The following CTNND1 variants were observed in gnomAD, a reference collection of about 807,000 sequenced individuals.
The protein encoded by CTNND1 is catenin delta-1.
Under a neutral mutation model 112.1 loss-of-function variants are expected in CTNND1, and 16 were observed. The ratio of observed to expected loss-of-function variants is 0.14; its 90% CI spans 0.10 to 0.22. The LOEUF (loss-of-function observed/expected upper bound fraction) is 0.22. Among genes scored for constraint, CTNND1 ranks in the 10% least tolerant of loss-of-function variants. CTNND1 has a pLI of 1.00. For missense variants in CTNND1, 1,008 were observed against 1,257.0 expected (o/e 0.80, Z 3.00); for synonymous variants, 420 against 446.5 (o/e 0.94, Z 0.75).
At position 57,818,407 on chromosome 11, in the gene CTNND1, CAAATGAGTTT is replaced by C. The variant is rs2064088251; in HGVS notation, c.*2100_*2109del. 1 of 152,464 alleles carries C rather than the reference CAAATGAGTTT, an allele frequency of 6.6e-6. No homozygotes were observed. The highest frequency in any genetic ancestry group is 2.4e-5 in the African/African-American group (1 of 41,382). 9.4% of individuals were successfully genotyped at this position (152,464 alleles called of 1,614,324 possible). On this transcript the variant is annotated 3_prime_UTR_variant, in exon 21 of 21. Transcript: ENST00000399050. ...TCTGTCTTGTTAATGCTTTTAAAAACAAATGAGTTTTTTATATAAATAAAGTTTTTAAAGT... is the reference window on the plus strand; with the variant it reads ...TCTGTCTTGTTAATGCTTTTAAAAACTTTATATAAATAAAGTTTTTAAAGT...
chr11:57,806,172 C>T, intron 10 of CTNND1, 137 bp downstream of exon 10: 4 of 1,212,258 alleles, frequency 3.3e-6, no homozygotes, highest in Non-Finnish European at 4.5e-6. Flanking sequence ...TTGCTGCTTT[C>T]CCTGTGTTGT....
chr11:57,782,371 A>C (rs542897725), intron 1 of CTNND1, among the ~76,000 whole-genome samples: 1 of 152,210 alleles, frequency 6.6e-6, no homozygotes, highest in African/African-American at 2.4e-5. Context: ...CTCTTTTAAA[A>C]TAAAATCCTT....
At chr11:57,789,932 T>C (rs1214289672) in intron 2 of CTNND1, among the ~76,000 whole-genome samples, 1 of 152,222 alleles carries the variant, frequency 6.6e-6, no homozygotes, top group Non-Finnish European at 1.5e-5. Flanking sequence ...AGGTGAAGTT[T>C]CCTGAAGACA....
At chr11:57,794,832 A>G (rs1160028867) in intron 4 of CTNND1, among the ~76,000 whole-genome samples, 1 of 149,688 alleles carries the variant, frequency 6.7e-6, no homozygotes, top group Non-Finnish European at 1.5e-5. Context: ...ACGGTGTCTC[A>G]TGCCTGTAAT....
At position 57,803,664 on chromosome 11, in the gene CTNND1, G is replaced by T; in HGVS notation, c.1464G>T (p.Glu488Asp). The change falls in exon 8 of 21, where the codon GAG (glutamate) becomes GAT (aspartate). Residue 488 changes from glutamate (E) to aspartate (D), a missense_variant. Physicochemically the swap from Glu to Asp is conservative, Grantham distance 45. Transcript: ENST00000399050. The part of the protein sequence containing the change: ...NLSSHDSIKM[E>D]IVDHALHALT... ...CATCCCATGACTCAATCAAAATGGA[G>T]ATTGTGGACCATGCACTGCATGCCT... 6.2e-7 allele frequency: 1 copy of T among 1,612,988 alleles called. No individual in the cohort carries two copies. The highest frequency in any genetic ancestry group is 8.5e-7 in the Non-Finnish European group (1 of 1,179,578).
chr11:57,807,397 G>A (rs765448050), intron 12 of CTNND1, among the ~76,000 whole-genome samples: 8 of 152,100 alleles, frequency 5.3e-5, no homozygotes, highest in Non-Finnish European at 1.2e-4. Flanking sequence ...CCTGAGATCA[G>A]GAGTTTGAGA....
chr11:57,804,613 G>T (rs748484315), intron 8 of CTNND1, 50 bp from the exon 9 acceptor site: 4 of 1,399,126 alleles, frequency 2.9e-6, no homozygotes, highest in Non-Finnish European at 4.0e-6. Flanking sequence ...GGATATTTAA[G>T]GGAGGATTTC....
chr11:57,810,366 T>C, intron 16 of CTNND1, 143 bp downstream of exon 16: 2 of 513,960 alleles, frequency 3.9e-6, no homozygotes, highest in Non-Finnish European at 3.2e-6. Flanking sequence ...TCTCACTCTG[T>C]TGCCCAGGCT....
intron 14 of CTNND1, among the ~76,000 whole-genome samples, chr11:57,808,789 C>T (rs748931140): frequency 3.3e-5 from 5 of 152,108 alleles, no homozygotes; most frequent in Non-Finnish European, 7.4e-5. Context: ...TGTTACTAAG[C>T]GTTGTTAAAC....
chr11:57,775,986 C>T (rs1302974772), intron 1 of CTNND1, among the ~76,000 whole-genome samples: 1 of 152,130 alleles, frequency 6.6e-6, no homozygotes, highest in Non-Finnish European at 1.5e-5. Flanking sequence ...TTTGAAAATA[C>T]ACCAAAGAGT....
chr11:57,774,684 T>TATAA (rs1953688862), intron 1 of CTNND1, among the ~76,000 whole-genome samples: 1 of 140,604 alleles, frequency 7.1e-6, no homozygotes, highest in South Asian at 2.5e-4. Flanking sequence ...CATAAGAGTC[T>TATAA]ATGAGGGTTT....
chr11:57,808,585 G>A, intron 14 of CTNND1, 45 bp downstream of exon 14: 1 of 1,506,992 alleles, frequency 6.6e-7, no homozygotes, highest in Non-Finnish European at 8.9e-7. Flanking sequence ...TTAGTACAGT[G>A]TTTGTAGTCC....
chr11:57,800,093 T>C (rs2061837046), intron 6 of CTNND1, among the ~76,000 whole-genome samples: 1 of 150,094 alleles, frequency 6.7e-6, no homozygotes, highest in Admixed American at 6.7e-5. Flanking sequence ...CCATGCATGG[T>C]ATTTTATAAT....
rs190647880 is a variant in CTNND1 at position 57,811,294 on chromosome 11, A to G, written c.2551-105A>G. 4.5e-6 allele frequency: 4 copies of G among 887,316 alleles called. No individual in the cohort carries two copies. In the African/African-American group the frequency reaches 6.8e-5, roughly 15 times the overall value. 55.0% of individuals were successfully genotyped at this position (887,316 alleles called of 1,614,324 possible). ...TTCAACTCTTATAAGTTGCTTTTTC[A>G]TGATTCTATTTGGGAATAGGAACCT... On this transcript the variant is annotated intron_variant, in intron 16 of 20. Coordinates refer to ENST00000399050, the MANE Select transcript of CTNND1 (RefSeq NM_001085458.2).
intron 1 of CTNND1, among the ~76,000 whole-genome samples, chr11:57,784,959 C>T (rs896820817): frequency 1.3e-5 from 2 of 152,138 alleles, no homozygotes; most frequent in Non-Finnish European, 2.9e-5. Context: ...TATATTAGCT[C>T]ATTAAAACTA....
chr11:57,812,347 C>T (rs1259085594), intron 17 of CTNND1, among the ~76,000 whole-genome samples: 2 of 152,066 alleles, frequency 1.3e-5, no homozygotes, highest in Non-Finnish European at 2.9e-5. Flanking sequence ...TGGTGAAACC[C>T]CGTCTCTACT....
intron 1 of CTNND1, among the ~76,000 whole-genome samples, chr11:57,780,423 A>G (rs920495403): frequency 6.6e-6 from 1 of 152,208 alleles, no homozygotes; most frequent in Non-Finnish European, 1.5e-5. Flanking sequence ...AAGAAGGAGC[A>G]TGGACTTGGA....
intron 1 of CTNND1, among the ~76,000 whole-genome samples, chr11:57,787,282 G>A (rs1383049144): frequency 6.6e-6 from 1 of 152,222 alleles, no homozygotes; most frequent in East Asian, 1.9e-4. Flanking sequence ...ACTGGTATAG[G>A]TGGGACGTTC....
chr11:57,794,149 A>G, intron 4 of CTNND1, 68 bp downstream of exon 4: 1 of 1,416,742 alleles, frequency 7.1e-7, no homozygotes, highest in South Asian at 1.2e-5. Context: ...CTATAAGAGC[A>G]TATTTGTGTC....
Sources: allele counts gnomAD v4.1 joint callset (sites outside exome capture counted in the v4.1 genomes callset), GRCh38; gene constraint gnomAD v4.1.1; transcripts MANE v1.5; gene names NCBI Gene and HGNC (gene_info 2026-07-23, HGNC 2026-07-21).